Variants in CNTN5 observed in about 807,000 individuals in gnomAD.
CNTN5 encodes the protein contactin-5.
In CNTN5, 77 loss-of-function variants were observed where a neutral mutation model predicts 129.1. That is an observed-to-expected ratio of 0.60 (90% CI 0.50 to 0.72). The LOEUF (loss-of-function observed/expected upper bound fraction) is 0.72. Ranked by LOEUF, CNTN5 falls within the 30% of genes least tolerant of loss-of-function variation. The pLI, the probability that CNTN5 is intolerant of heterozygous loss-of-function variation, is 0.00. For missense variants in CNTN5, 1,478 were observed against 1,328.8 expected (o/e 1.11, Z -1.75); for synonymous variants, 509 against 465.6 (o/e 1.09, Z -1.20).
intron 2 of CNTN5, among the ~76,000 whole-genome samples, chr11:99,467,236 C>T (rs947431768): frequency 1.3e-5 from 2 of 151,824 alleles, no homozygotes; most frequent in South Asian, 2.1e-4. Flanking sequence ...TCTATATTTG[C>T]GCTTTTTTGG....
intron 23 of CNTN5, among the ~76,000 whole-genome samples, chr11:100,348,844 C>T (rs1392990931): frequency 6.6e-6 from 1 of 151,952 alleles, no homozygotes; most frequent in African/African-American, 2.4e-5. Context: ...ATATATTTCC[C>T]GCTGCAGTGC....
At chr11:99,873,099 A>G (rs1444551905) in intron 6 of CNTN5, among the ~76,000 whole-genome samples, 1 of 152,030 alleles carries the variant, frequency 6.6e-6, no homozygotes, top group Non-Finnish European at 1.5e-5. Flanking sequence ...ACTGCCACCC[A>G]GGCAGGAGCT....
At chr11:99,504,721 A>G (rs1480861853) in intron 2 of CNTN5, among the ~76,000 whole-genome samples, 4 of 152,144 alleles carry the variant, frequency 2.6e-5, no homozygotes, top group Non-Finnish European at 4.4e-5. Flanking sequence ...GTCGTTCTTC[A>G]AGCTCCAAAT....
At chr11:99,432,272 G>T (rs1413469277) in intron 2 of CNTN5, among the ~76,000 whole-genome samples, 1 of 152,004 alleles carries the variant, frequency 6.6e-6, no homozygotes, top group Non-Finnish European at 1.5e-5. Flanking sequence ...AGAGGGCAGG[G>T]GCAAATTTGG....
At chr11:99,632,036 A>G (rs1048490573) in intron 3 of CNTN5, among the ~76,000 whole-genome samples, 2 of 152,160 alleles carry the variant, frequency 1.3e-5, no homozygotes, top group African/African-American at 4.8e-5. Context: ...AGGAAGAAAC[A>G]TAGTAATATA....
At chr11:100,354,665 T>A (rs2139047566) in intron 24 of CNTN5, among the ~76,000 whole-genome samples, 1 of 151,814 alleles carries the variant, frequency 6.6e-6, no homozygotes, top group East Asian at 1.9e-4. Context: ...GCAATTTCAT[T>A]GTGTGAACAT....
At chr11:100,021,008 C>T (rs536195315) in intron 9 of CNTN5, among the ~76,000 whole-genome samples, 9 of 152,190 alleles carry the variant, frequency 5.9e-5, no homozygotes, top group South Asian at 4.1e-4. Flanking sequence ...AAGCAATTTA[C>T]GAATTCAATG....
At chr11:99,952,534 T>C (rs1411626931) in intron 7 of CNTN5, among the ~76,000 whole-genome samples, 1 of 152,110 alleles carries the variant, frequency 6.6e-6, no homozygotes, top group African/African-American at 2.4e-5. Context: ...AAAAGTTATT[T>C]ATTTTTTATT....
intron 4 of CNTN5, among the ~76,000 whole-genome samples, chr11:99,822,932 T>C (rs960159789): frequency 2.0e-5 from 3 of 152,234 alleles, no homozygotes; most frequent in African/African-American, 7.2e-5. Context: ...CTCATATTAA[T>C]GGAAGTCAGC....
At chr11:99,134,259 G>T (rs780430697) in intron 1 of CNTN5, among the ~76,000 whole-genome samples, 2 of 152,118 alleles carry the variant, frequency 1.3e-5, no homozygotes, top group African/African-American at 2.4e-5. Flanking sequence ...CTGAGGGAGG[G>T]CAAGGCAGGG....
intron 2 of CNTN5, among the ~76,000 whole-genome samples, chr11:99,470,708 T>A (rs78984113): frequency 0.04 from 6,160 of 152,260 alleles, 172 homozygotes; most frequent in South Asian, 0.084. Flanking sequence ...AATGTTCCAA[T>A]TATGAACATT....
chr11:99,441,452 T>C (rs938467056), intron 2 of CNTN5, among the ~76,000 whole-genome samples: 4 of 152,172 alleles, frequency 2.6e-5, no homozygotes, highest in East Asian at 1.9e-4. Flanking sequence ...CACGTTAATA[T>C]ACTAGCATCT....
chr11:99,902,058 GC>G (rs1434874904), intron 6 of CNTN5, among the ~76,000 whole-genome samples: 1 of 152,104 alleles, frequency 6.6e-6, no homozygotes, highest in Non-Finnish European at 1.5e-5. Context: ...TAGAGGTCAA[GC>G]TTTTATACAT....
At chr11:99,514,549 T>G (rs1946970571) in intron 2 of CNTN5, among the ~76,000 whole-genome samples, 1 of 152,044 alleles carries the variant, frequency 6.6e-6, no homozygotes, top group African/African-American at 2.4e-5. Context: ...CCTTCAGAAC[T>G]ACTAATCTTG....
chr11:99,692,176 G>A (rs1203267927), intron 3 of CNTN5, among the ~76,000 whole-genome samples: 1 of 152,070 alleles, frequency 6.6e-6, no homozygotes, highest in Non-Finnish European at 1.5e-5. Flanking sequence ...CATATGAATG[G>A]TTCGTGGTTC....
chr11:99,615,126 G>A (rs1950720534), intron 3 of CNTN5, among the ~76,000 whole-genome samples: 1 of 149,670 alleles, frequency 6.7e-6, no homozygotes, highest in Non-Finnish European at 1.5e-5. Context: ...AATGTATCTT[G>A]CCGAGGAAGA....
chr11:99,896,590 T>C (rs951124444), intron 6 of CNTN5, among the ~76,000 whole-genome samples: 2 of 152,100 alleles, frequency 1.3e-5, no homozygotes, highest in African/African-American at 4.8e-5. Flanking sequence ...ATCCCTACAA[T>C]CATGGGTTAT....
At chr11:100,097,111 A>G (rs1391632557) in intron 13 of CNTN5, among the ~76,000 whole-genome samples, 2 of 152,180 alleles carry the variant, frequency 1.3e-5, no homozygotes, top group Non-Finnish European at 2.9e-5. Flanking sequence ...GAGATATTAT[A>G]GAAATGTACT....
At chr11:99,876,086 T>A (rs1948625580) in intron 6 of CNTN5, among the ~76,000 whole-genome samples, 1 of 152,094 alleles carries the variant, frequency 6.6e-6, no homozygotes, top group Non-Finnish European at 1.5e-5. Flanking sequence ...AAATAAGCTT[T>A]CTCATTTTTT....
Sources: gnomAD v4.1 joint callset for allele counts (sites outside exome capture counted in the v4.1 genomes callset) on GRCh38, gnomAD v4.1.1 for gene constraint, MANE v1.5 for transcripts, NCBI Gene and HGNC (gene_info 2026-07-23, HGNC 2026-07-21) for gene names.